The following DEGS2 variants were observed in gnomAD, a reference collection of about 807,000 sequenced individuals.
DEGS2 encodes delta 4-desaturase, sphingolipid 2.
A neutral mutation model predicts 23.8 loss-of-function variants in DEGS2; 19 were observed. That is an observed-to-expected ratio of 0.80 (90% CI 0.56 to 1.17). The LOEUF (loss-of-function observed/expected upper bound fraction) is 1.17. Ranked by LOEUF, DEGS2 falls within the 50% of genes most tolerant of loss-of-function variation. The pLI is 0.00. For synonymous variants in DEGS2, 218 were observed against 213.7 expected (o/e 1.02, Z -0.18); for missense variants, 390 against 459.5 (o/e 0.85, Z 1.38).
In DEGS2 at chr14:100,149,269, A is replaced by G; in HGVS notation, c.524T>C (p.Leu175Pro). The G allele has an allele frequency of 6.2e-7, 1 of 1,612,822 alleles. No homozygotes were observed. Among genetic ancestry groups the G allele is most frequent in the Non-Finnish European group, 8.5e-7 (1 of 1,179,886 alleles). The change falls in exon 2 of 3, where the codon CTC becomes CCC. Residue 175 changes from leucine (L) to proline (P), a missense_variant. Transcript: ENST00000305631. ...LQPFFYSLRP[L>P]CVHPKAVTRM... is the part of the protein sequence containing the mutation. ...GGTCACGGCCTTGGGGTGGACGCAG[A>G]GCGGCCGTAGTGAGTAGAAGAAGGG...
chr14:100,162,143 C>T (rs541917163), upstream of DEGS2, among the ~76,000 whole-genome samples: 1,110 of 148,980 alleles, frequency 7.5e-3, 10 homozygotes, highest in African/African-American at 0.026. Context: ...GTCAGGAGAT[C>T]GAGACTATCC....
At chr14:100,153,828 G>A (rs879793837) in intron 1 of DEGS2, among the ~76,000 whole-genome samples, 2 of 152,218 alleles carry the variant, frequency 1.3e-5, no homozygotes, top group Admixed American at 1.3e-4. Context: ...CTGGGCAGGT[G>A]GCCATGAACA....
rs1889371415 is a variant in DEGS2 at position 100,143,983 on chromosome 14, T to G, written c.*2778A>C. The stretch of plus-strand genomic sequence containing the variant: ...CGTCTTTTTTGTGTTTTATATTTGC[T>G]TATTTAAGGTACATTTCTTTGGGTT... On this transcript the variant is annotated 3_prime_UTR_variant, in exon 3 of 3. Coordinates refer to ENST00000305631, the MANE Select transcript of DEGS2 (RefSeq NM_206918.3). The G allele has an allele frequency of 1.9e-6, 1 of 530,678 alleles. No individual in the cohort carries two copies. The highest frequency in any genetic ancestry group is 2.8e-5 in the South Asian group (1 of 35,808). The allele number at this position is 530,678 out of a possible 1,614,324, so 32.9% of individuals were successfully genotyped here. A position where few individuals can be genotyped will look rare whatever the true frequency, so the allele number is the denominator to read the frequency against.
intron 1 of DEGS2, among the ~76,000 whole-genome samples, chr14:100,159,118 G>A (rs941351020): frequency 1.3e-5 from 2 of 152,150 alleles, no homozygotes; most frequent in Admixed American, 6.5e-5. Flanking sequence ...GAGGCCCCGC[G>A]TCGCGCAAGC....
In DEGS2 at chr14:100,149,656, G is replaced by A. The variant is rs775114042; in HGVS notation, c.137C>T (p.Ala46Val). ...LMRPDPRLKW[A>V]VLVLVLVQML... ...CTGCACCAGCACCAGCACCAGCACC[G>A]CCCACTTGAGGCGCGGGTCTGGCCG... The change falls in exon 2 of 3, where the codon GCG becomes GTG. Residue 46 changes from alanine to valine, a missense_variant. By Grantham distance (64) the Ala-to-Val change is moderately conservative. Coordinates refer to ENST00000305631, the MANE Select transcript of DEGS2 (RefSeq NM_206918.3). 35 of 1,611,560 alleles carry A rather than the reference G, an allele frequency of 2.2e-5. No individual in the cohort carries two copies. The highest frequency in any genetic ancestry group is 4.4e-5 in the South Asian group (4 of 90,972).
At chr14:100,153,101 TAA>T (rs1889600375) in intron 1 of DEGS2, among the ~76,000 whole-genome samples, 1 of 151,800 alleles carries the variant, frequency 6.6e-6, no homozygotes. Context: ...GCAAAAAGTT[TAA>T]AAATCAGCCA....
At chr14:100,157,602 C>G (rs552733303) in intron 1 of DEGS2, among the ~76,000 whole-genome samples, 2 of 152,218 alleles carry the variant, frequency 1.3e-5, no homozygotes, top group East Asian at 3.8e-4. Flanking sequence ...TGGGACCAGA[C>G]GATGCTGGGC....
chr14:100,148,657 T>C (rs1889501065), intron 2 of DEGS2, among the ~76,000 whole-genome samples: 1 of 152,180 alleles, frequency 6.6e-6, no homozygotes, highest in South Asian at 2.1e-4. Flanking sequence ...GTGCTTCCCG[T>C]GCAGTGTTGC....
At chr14:100,164,105 G>T (rs894265563), upstream of DEGS2, among the ~76,000 whole-genome samples, 2 of 151,898 alleles carry the variant, frequency 1.3e-5, no homozygotes, top group African/African-American at 2.4e-5. Flanking sequence ...GGTCCCAGGC[G>T]CGATGTAGGA....
intron 1 of DEGS2, among the ~76,000 whole-genome samples, chr14:100,159,105 G>A (rs532126550): frequency 2.2e-4 from 33 of 152,294 alleles, no homozygotes; most frequent in Non-Finnish European, 4.6e-4. Context: ...GTGACTGCGG[G>A]TGGAGGCCCC....
At chr14:100,156,065 T>C (rs1380277111) in intron 1 of DEGS2, among the ~76,000 whole-genome samples, 1 of 152,224 alleles carries the variant, frequency 6.6e-6, no homozygotes, top group Admixed American at 6.5e-5. Flanking sequence ...GAGATGGACT[T>C]TGGCCCCAAC....
rs1889369492 is a variant in DEGS2, at chr14:100,143,957, T to C, written c.*2804A>G. 1.8e-6 allele frequency: 1 copy of C among 556,018 alleles called. No homozygotes were observed. The highest frequency in any genetic ancestry group is 3.2e-6 in the Non-Finnish European group (1 of 315,468). The allele number at this position is 556,018 out of a possible 1,614,324, so 34.4% of individuals were successfully genotyped here. A position where few individuals can be genotyped will look rare whatever the true frequency, so the allele number is the denominator to read the frequency against. ...GCCTGACACGGAACACCAGGTCTGC[T>C]CGTCTTTTTTGTGTTTTATATTTGC... On this transcript the variant is annotated 3_prime_UTR_variant, in exon 3 of 3. Transcript: ENST00000305631.
chr14:100,164,732 G>C, the DEGS2 span, among the ~76,000 whole-genome samples: 2 of 152,222 alleles, frequency 1.3e-5, no homozygotes, highest in Admixed American at 1.3e-4. Context: ...AGGCTTAAGG[G>C]TGCCAACAAC....
At chr14:100,154,367 AAAAAAG>A (rs983613298) in intron 1 of DEGS2, among the ~76,000 whole-genome samples, 24 of 152,172 alleles carry the variant, frequency 1.6e-4, no homozygotes, top group Admixed American at 6.5e-4. Flanking sequence ...AAAAAAAAAA[AAAAAAG>A]AAAGAAAAAA....
At chr14:100,165,975 G>C in the DEGS2 span, among the ~76,000 whole-genome samples, 1 of 82,056 alleles carries the variant, frequency 1.2e-5, no homozygotes, top group Non-Finnish European at 2.6e-5. Context: ...GGGGGAGCCT[G>C]TCTGGGGGAG....
Position 100,159,596 on chromosome 14 carries a change from G to C in DEGS2, c.-9C>G, listed in dbSNP as rs1257396820. 2.0e-6 allele frequency: 3 copies of C among 1,486,092 alleles called. No homozygotes were observed. Among genetic ancestry groups the C allele is most frequent in the East Asian group, 2.9e-5 (1 of 34,374 alleles). The allele number at this position is 1,486,092 out of a possible 1,614,324, so 92.1% of individuals were successfully genotyped here. A position where few individuals can be genotyped will look rare whatever the true frequency, so the allele number is the denominator to read the frequency against. ...CTCGCGCTGTTGCCCATGGTGGGGCGGGAGGCGCCGTTCGGAGCGCGGCCG... is the reference window on the plus strand; with the variant it reads ...CTCGCGCTGTTGCCCATGGTGGGGCCGGAGGCGCCGTTCGGAGCGCGGCCG... On this transcript the variant is annotated 5_prime_UTR_variant, in exon 1 of 3. Coordinates refer to ENST00000305631, the MANE Select transcript of DEGS2 (RefSeq NM_206918.3).
intron 2 of DEGS2, among the ~76,000 whole-genome samples, chr14:100,147,146 G>A (rs1164788754): frequency 6.6e-6 from 1 of 152,210 alleles, no homozygotes; most frequent in Non-Finnish European, 1.5e-5. Flanking sequence ...GGTCCTCCCT[G>A]CCAACCACCA....
intron 1 of DEGS2, among the ~76,000 whole-genome samples, chr14:100,152,337 G>T (rs1889586263): frequency 6.6e-6 from 1 of 151,926 alleles, no homozygotes; most frequent in Admixed American, 6.6e-5. Context: ...GAAGGCAAGG[G>T]TCACTGGAGC....
chr14:100,146,860 G>A lies in DEGS2; in HGVS notation c.873C>T (p.His291=), dbSNP rs140696950. 2.8e-3 allele frequency: 4,451 copies of A among 1,613,812 alleles called. 8 individuals are homozygous for A. Among genetic ancestry groups the A allele is most frequent in the Non-Finnish European group, 3.2e-3 (3,787 of 1,179,926 alleles). The change falls in exon 3 of 3, where the codon CAC becomes CAT. Residue 291 remains histidine (H), a synonymous_variant. Coordinates refer to ENST00000305631, the MANE Select transcript of DEGS2 (RefSeq NM_206918.3). The part of the protein sequence containing the change: ...PEYYDHLPQH[H]SWVKVLWDFV... ...AATCCCAGAGCACCTTCACCCAGGA[G>A]TGGTGCTGCGGCAGGTGGTCGTAGT...
Sources: gnomAD v4.1 joint callset for allele counts (sites outside exome capture counted in the v4.1 genomes callset) on GRCh38, gnomAD v4.1.1 for gene constraint, MANE v1.5 for transcripts, NCBI Gene and HGNC (gene_info 2026-07-23, HGNC 2026-07-21) for gene names.